Variants in PYGO1 observed in about 807,000 individuals in gnomAD.
PYGO1 encodes pygopus homolog 1.
In PYGO1, 6 loss-of-function variants were observed where a neutral mutation model predicts 29.5. The ratio of observed to expected loss-of-function variants is 0.20; its 90% CI spans 0.11 to 0.40. PYGO1 has a LOEUF of 0.40. PYGO1 is among the 10% of genes least tolerant of loss of function. The pLI, the probability that PYGO1 is intolerant of heterozygous loss-of-function variation, is 1.00. For missense variants in PYGO1, 515 were observed against 514.9 expected (o/e 1.00, Z 0.00); for synonymous variants, 186 against 180.5 (o/e 1.03, Z -0.24).
At chr15:55,566,420 T>A (rs1208788016) in intron 1 of PYGO1, among the ~76,000 whole-genome samples, 1 of 151,990 alleles carries the variant, frequency 6.6e-6, no homozygotes, top group Admixed American at 6.6e-5. Flanking sequence ...CTTTTTTTTT[T>A]ATGGTTGTTT....
intron 1 of PYGO1, among the ~76,000 whole-genome samples, chr15:55,566,824 G>T (rs528402412): frequency 6.6e-6 from 1 of 152,124 alleles, no homozygotes; most frequent in Non-Finnish European, 1.5e-5. Context: ...TTGCCCTCCT[G>T]GGGTAAGGTG....
rs150346238 is a variant in PYGO1 at position 55,587,576 on chromosome 15, T to A, written c.49+259A>T. ...CGAGGAGAGGTGGGTGAGGAGGGGG[T>A]AAGAAAGGATGCTGCTTGCGGCTCC... On this transcript the variant is annotated intron_variant, in intron 1 of 2. Coordinates refer to ENST00000563719, the MANE Select transcript of PYGO1 (RefSeq NM_001367806.1). Among the ~76,000 whole-genome samples, 790 of 150,456 alleles carry A rather than the reference T, an allele frequency of 5.3e-3. 7 individuals carry two copies. Among genetic ancestry groups the A allele is most frequent in the Admixed American group, 0.012 (178 of 15,150 alleles).
rs1329705918 is a variant in PYGO1, at chr15:55,553,887, G to C, written c.50-4892C>G. 3.9e-5 allele frequency among the ~76,000 whole-genome samples: 6 copies of C among 152,058 alleles called. No individual in the cohort carries two copies. In the East Asian group the frequency reaches 1.2e-3, roughly 29 times the overall value. ...TATCTCCAGGTACAGGAAAAACTGA[G>C]GCAACTAGGGTCAGGAGCAGACCCC... On this transcript the variant is annotated intron_variant, in intron 1 of 2. Transcript: ENST00000563719.
In PYGO1 at chr15:55,540,202, T is replaced by C. The variant is rs1340011960; in HGVS notation, c.*5821A>G. The C allele has an allele frequency of 2.0e-5, 3 of 152,076 alleles. No homozygotes were observed. Among genetic ancestry groups the C allele is most frequent in the Non-Finnish European group, 4.4e-5 (3 of 67,922 alleles). 9.4% of individuals were successfully genotyped at this position (152,076 alleles called of 1,614,324 possible). A position where few individuals can be genotyped will look rare whatever the true frequency, so the allele number is the denominator to read the frequency against. ...AATCCTTTCATTAGGTAGTACCAAG[T>C]AAACAGCATTCAAGTCCTTGAATCA... On this transcript the variant is annotated 3_prime_UTR_variant, in exon 3 of 3. Transcript: ENST00000563719.
At position 55,546,668 on chromosome 15, in the gene PYGO1, A is replaced by T. The variant is rs746381834; in HGVS notation, c.615T>A (p.Val205=). 1 of 1,614,090 alleles carries T rather than the reference A, an allele frequency of 6.2e-7. No individual in the cohort carries two copies. The highest frequency in any genetic ancestry group is 1.1e-5 in the South Asian group (1 of 91,078). The change falls in exon 3 of 3, where the codon GTT becomes GTA. Residue 205 remains valine, a synonymous_variant. Transcript: ENST00000563719. ...VSNPDLASNF[V]PGNNSNFTSP... ...AAGTAAAATTTGAATTATTTCCAGG[A>T]ACAAAATTAGATGCCAAATCGGGGT...
chr15:55,559,500 A>C (rs914674873), intron 1 of PYGO1, among the ~76,000 whole-genome samples: 9 of 152,240 alleles, frequency 5.9e-5, no homozygotes, highest in Admixed American at 2.0e-4. Flanking sequence ...AAAGGATTAT[A>C]AATCATGCTG....
At chr15:55,563,776 C>T (rs1009102352) in intron 1 of PYGO1, among the ~76,000 whole-genome samples, 7 of 152,032 alleles carry the variant, frequency 4.6e-5, no homozygotes, top group African/African-American at 1.7e-4. Flanking sequence ...GACATTTCTC[C>T]AAATAAAATA....
intron 1 of PYGO1, among the ~76,000 whole-genome samples, chr15:55,580,771 G>T (rs1279330471): frequency 6.6e-6 from 1 of 152,144 alleles, no homozygotes; most frequent in Non-Finnish European, 1.5e-5. Context: ...AATCATTCTT[G>T]ACCATACTTT....
rs1193751662 is a variant in PYGO1 at position 55,548,401 on chromosome 15, T to TA, written c.135+508dup. Among the ~76,000 whole-genome samples, 3 of 150,606 alleles carry TA rather than the reference T, an allele frequency of 2.0e-5. No individual in the cohort carries two copies. In the East Asian group the frequency reaches 6.0e-4, roughly 30 times the overall value. On this transcript the variant is annotated intron_variant, in intron 2 of 2. Coordinates refer to ENST00000563719, the MANE Select transcript of PYGO1 (RefSeq NM_001367806.1). ...CTATAGTCTGACAATAGCCACTAGT[T>TA]ACAGACTTAAACAAAAAAAAATACA...
chr15:55,585,351 C>G (rs534307691), intron 1 of PYGO1, among the ~76,000 whole-genome samples: 143 of 152,190 alleles, frequency 9.4e-4, no homozygotes, highest in Non-Finnish European at 1.5e-3. Context: ...AAGCACTGCT[C>G]CAGAGTTTAT....
chr15:55,565,285 C>T (rs1186931066), intron 1 of PYGO1, among the ~76,000 whole-genome samples: 1 of 152,062 alleles, frequency 6.6e-6, no homozygotes, highest in Non-Finnish European at 1.5e-5. Context: ...ACATAAACCA[C>T]CACTGATAAT....
intron 1 of PYGO1, among the ~76,000 whole-genome samples, chr15:55,552,713 T>C (rs1002700523): frequency 6.6e-6 from 1 of 152,084 alleles, no homozygotes; most frequent in Non-Finnish European, 1.5e-5. Context: ...GGGTCCGATA[T>C]ACAGAGCTGT....
Position 55,588,070 on chromosome 15 carries a change from G to C in PYGO1, c.-187C>G. The C allele has an allele frequency of 9.3e-7, 1 of 1,069,846 alleles. No homozygotes were observed. The highest frequency in any genetic ancestry group is 1.1e-6 in the Non-Finnish European group (1 of 884,590). 66.3% of individuals were successfully genotyped at this position (1,069,846 alleles called of 1,614,324 possible). On this transcript the variant is annotated 5_prime_UTR_variant, in exon 1 of 3. Transcript: ENST00000563719. ...GTTTGGGAGGAGGACGAGGCCTCGG[G>C]GCGGCGGGGCGGCGGGGCGGCGTGC...
At chr15:55,561,592 C>T (rs576596578) in intron 1 of PYGO1, among the ~76,000 whole-genome samples, 2 of 152,280 alleles carry the variant, frequency 1.3e-5, no homozygotes, top group Admixed American at 6.5e-5. Context: ...ATAAGCCAAT[C>T]GCTTCCCACC....
chr15:55,558,822 C>T (rs1286587288), intron 1 of PYGO1, among the ~76,000 whole-genome samples: 4 of 151,896 alleles, frequency 2.6e-5, no homozygotes, highest in African/African-American at 9.7e-5. Flanking sequence ...ACACCTTATA[C>T]AAAAATTAAC....
Position 55,546,344 on chromosome 15 carries a change from T to C in PYGO1, c.939A>G (p.Ala313=). 6.2e-7 allele frequency: 1 copy of C among 1,614,262 alleles called. No homozygotes were observed. Among genetic ancestry groups the C allele is most frequent in the Non-Finnish European group, 8.5e-7 (1 of 1,180,050 alleles). ...TTTTTTCTGTGGTGCAGGCATCTGC[T>C]GCACCTCTTGGTTGTCGTGGCTTAT... ...TQNKPRQPRG[A]ADACTTEKSN... is the part of the protein sequence containing the mutation. The change falls in exon 3 of 3, where the codon GCA becomes GCG. Residue 313 remains alanine, a synonymous_variant. Coordinates refer to ENST00000563719, the MANE Select transcript of PYGO1 (RefSeq NM_001367806.1).
rs375817193 is a variant in PYGO1 at position 55,546,278 on chromosome 15, C to A, written c.1005G>T (p.Ser335=). 7.4e-6 allele frequency: 12 copies of A among 1,614,060 alleles called. No individual in the cohort carries two copies. The African/African-American group carries it at 1.5e-4, about 20-fold the overall frequency. ...CACAAGGATACACTGGGTCAGAAGA[C>A]GAATGGCCATGACGGTTTGGGTGAA... ...SSLHPNRHGH[S]SSDPVYPCGI... The change falls in exon 3 of 3, where the codon TCG becomes TCT. Residue 335 remains serine (S), a synonymous_variant. Coordinates refer to ENST00000563719, the MANE Select transcript of PYGO1 (RefSeq NM_001367806.1).
intron 2 of PYGO1, among the ~76,000 whole-genome samples, chr15:55,548,218 C>T (rs1202154312): frequency 6.6e-6 from 1 of 151,790 alleles, no homozygotes; most frequent in African/African-American, 2.4e-5. Flanking sequence ...AGGGCTTTCC[C>T]CATGTTGGCC....
At chr15:55,565,754 T>A (rs1319129595) in intron 1 of PYGO1, among the ~76,000 whole-genome samples, 1 of 151,928 alleles carries the variant, frequency 6.6e-6, no homozygotes, top group Non-Finnish European at 1.5e-5. Context: ...AGAAACATAT[T>A]TATTTCCTTT....
Sources: allele counts gnomAD v4.1 joint callset (sites outside exome capture counted in the v4.1 genomes callset), GRCh38; gene constraint gnomAD v4.1.1; transcripts MANE v1.5; gene names NCBI Gene and HGNC (gene_info 2026-07-23, HGNC 2026-07-21).